The following ACSS3 variants were observed in gnomAD, a reference collection of about 807,000 sequenced individuals.
ACSS3 encodes acyl-CoA synthetase short chain family member 3.
Under a neutral mutation model 84.2 loss-of-function variants are expected in ACSS3, and 64 were observed. The ratio of observed to expected loss-of-function variants is 0.76; its 90% CI spans 0.62 to 0.94. ACSS3 has a LOEUF of 0.94. ACSS3 is among the 40% of genes least tolerant of loss of function. The pLI is 0.00. For missense variants in ACSS3, 815 were observed against 867.6 expected, an observed-to-expected ratio of 0.94 and a Z score of 0.76; for synonymous variants, 317 against 310.1, an observed-to-expected ratio of 1.02 and a Z score of -0.23.
At position 81,219,924 on chromosome 12, in the gene ACSS3, G is replaced by A. The variant is rs112019744; in HGVS notation, c.1451-89G>A. 46 of 833,306 alleles carry A rather than the reference G, an allele frequency of 5.5e-5. 1 individual carries two copies. The highest frequency in any genetic ancestry group is 4.1e-4 in the Middle Eastern group (1 of 2,410). 51.6% of individuals were successfully genotyped at this position (833,306 alleles called of 1,614,324 possible). On this transcript the variant is annotated intron_variant, in intron 10 of 15. Coordinates refer to ENST00000548058, the MANE Select transcript of ACSS3 (RefSeq NM_024560.4). ...TAAAAGATTACTCTCTTAAGCTAGA[G>A]CTTTTTGGGTTGAATATAAAAATAT...
At chr12:81,154,918 C>G (rs1445883882) in intron 7 of ACSS3, among the ~76,000 whole-genome samples, 1 of 152,096 alleles carries the variant, frequency 6.6e-6, no homozygotes, top group Non-Finnish European at 1.5e-5. Context: ...TTAACTCCTA[C>G]TCTCCTTGTA....
At chr12:81,168,129 G>T (rs757577775) in intron 7 of ACSS3, among the ~76,000 whole-genome samples, 1 of 152,078 alleles carries the variant, frequency 6.6e-6, no homozygotes, top group Admixed American at 6.6e-5. Context: ...TAAATTGTTG[G>T]TTCTTTGAGA....
Position 81,256,154 on chromosome 12 carries a change from G to C in ACSS3, c.*1232G>C, listed in dbSNP as rs900206503. On this transcript the variant is annotated 3_prime_UTR_variant, in exon 16 of 16. Coordinates refer to ENST00000548058, the MANE Select transcript of ACSS3 (RefSeq NM_024560.4). ...AAATGGTGAAGACTGCAGATCACCT[G>C]CTATACCTCAAGGAGCAGCGGACCC... 1 of 152,134 alleles carries C rather than the reference G, an allele frequency of 6.6e-6. No individual in the cohort carries two copies. Among genetic ancestry groups the C allele is most frequent in the Non-Finnish European group, 1.5e-5 (1 of 68,028 alleles). 9.4% of individuals were successfully genotyped at this position (152,134 alleles called of 1,614,324 possible). A position where few individuals can be genotyped will look rare whatever the true frequency, so the allele number is the denominator to read the frequency against.
intron 13 of ACSS3, among the ~76,000 whole-genome samples, chr12:81,247,456 T>A (rs2034018648): frequency 6.6e-6 from 1 of 152,074 alleles, no homozygotes; most frequent in Non-Finnish European, 1.5e-5. Flanking sequence ...AAATAGGCAG[T>A]TAAAATGGAA....
chr12:81,120,108 C>T (rs965934918), intron 2 of ACSS3, among the ~76,000 whole-genome samples: 7 of 152,168 alleles, frequency 4.6e-5, no homozygotes, highest in African/African-American at 1.7e-4. Flanking sequence ...GACTCTTCCA[C>T]AGGTGTCCCC....
intron 5 of ACSS3, among the ~76,000 whole-genome samples, chr12:81,147,105 C>T (rs1420235513): frequency 1.3e-5 from 2 of 152,122 alleles, no homozygotes; most frequent in Non-Finnish European, 2.9e-5. Flanking sequence ...ACCCTTGCCC[C>T]TTAGCTCACA....
chr12:81,080,655 C>G (rs2121255022), intron 1 of ACSS3, among the ~76,000 whole-genome samples: 1 of 152,248 alleles, frequency 6.6e-6, no homozygotes, highest in Non-Finnish European at 1.5e-5. Flanking sequence ...GAATCTATGA[C>G]TGCATTGGAT....
At chr12:81,145,012 T>A (rs1886264336) in intron 5 of ACSS3, among the ~76,000 whole-genome samples, 1 of 148,484 alleles carries the variant, frequency 6.7e-6, no homozygotes, top group Non-Finnish European at 1.5e-5. Flanking sequence ...GCCATTCTCG[T>A]GCCTTAGCCC....
chr12:81,182,032 G>A (rs1294393583), intron 8 of ACSS3, among the ~76,000 whole-genome samples: 2 of 152,048 alleles, frequency 1.3e-5, no homozygotes, highest in Non-Finnish European at 2.9e-5. Flanking sequence ...CTAAGTCTTG[G>A]GAGAGATATG....
intron 4 of ACSS3, among the ~76,000 whole-genome samples, chr12:81,142,901 T>G (rs553830780): frequency 6.6e-6 from 1 of 152,344 alleles, no homozygotes; most frequent in East Asian, 1.9e-4. Context: ...TCAGTTTAGT[T>G]GAAGTGAATA....
At chr12:81,124,697 AACAGGGT>A (rs1884927728) in intron 2 of ACSS3, among the ~76,000 whole-genome samples, 1 of 152,168 alleles carries the variant, frequency 6.6e-6, no homozygotes, top group Non-Finnish European at 1.5e-5. Flanking sequence ...CCTCAAGCTT[AACAGGGT>A]ACATTGATTC....
intron 5 of ACSS3, among the ~76,000 whole-genome samples, chr12:81,148,010 A>G (rs1555252048): frequency 7.9e-6 from 1 of 126,662 alleles, no homozygotes; most frequent in Non-Finnish European, 1.5e-5. Flanking sequence ...ACATATGTAA[A>G]TATATATATA....
chr12:81,103,363 C>T (rs1416538063), intron 1 of ACSS3, among the ~76,000 whole-genome samples: 5 of 152,032 alleles, frequency 3.3e-5, no homozygotes, highest in Non-Finnish European at 7.4e-5. Context: ...AACCTGCCCA[C>T]GAATTTAGAA....
rs1243691624 is a variant in ACSS3, at chr12:81,259,445, A to G, written c.*4523A>G. 2 of 662,774 alleles carry G rather than the reference A, an allele frequency of 3.0e-6. No individual in the cohort carries two copies. The highest frequency in any genetic ancestry group is 2.5e-5 in the Admixed American group (1 of 40,800). The allele number at this position is 662,774 out of a possible 1,614,324, so 41.1% of individuals were successfully genotyped here. Reference sequence around the variant, plus strand: ...CTGTTGTACAGAGTTTATGATGTAGATGATGTTTATTATTCAAATGACTTA... The same window carrying G: ...CTGTTGTACAGAGTTTATGATGTAGGTGATGTTTATTATTCAAATGACTTA... On this transcript the variant is annotated 3_prime_UTR_variant, in exon 16 of 16. Coordinates refer to ENST00000548058, the MANE Select transcript of ACSS3 (RefSeq NM_024560.4).
At chr12:81,139,546 A>C (rs965886897) in intron 4 of ACSS3, among the ~76,000 whole-genome samples, 1 of 150,210 alleles carries the variant, frequency 6.7e-6, no homozygotes, top group Non-Finnish European at 1.5e-5. Context: ...TATTAGCAAT[A>C]ATAATAACAA....
chr12:81,091,335 TTA>T (rs1252859978), intron 1 of ACSS3, among the ~76,000 whole-genome samples: 7 of 151,972 alleles, frequency 4.6e-5, no homozygotes, highest in South Asian at 2.1e-4. Flanking sequence ...TAGAATGCAT[TTA>T]TGTTATCATA....
chr12:81,248,762 A>G (rs1245808535), intron 13 of ACSS3, among the ~76,000 whole-genome samples: 1 of 152,010 alleles, frequency 6.6e-6, no homozygotes, highest in Non-Finnish European at 1.5e-5. Flanking sequence ...GGATACCTTA[A>G]GTACCCTGAA....
intron 5 of ACSS3, among the ~76,000 whole-genome samples, chr12:81,148,364 G>A (rs562552036): frequency 1.8e-3 from 268 of 152,236 alleles, no homozygotes; most frequent in African/African-American, 5.9e-3. Flanking sequence ...CAATCTGTGA[G>A]TTTACTTGTC....
At chr12:81,181,485 A>G (rs1207323252) in intron 8 of ACSS3, among the ~76,000 whole-genome samples, 1 of 152,208 alleles carries the variant, frequency 6.6e-6, no homozygotes. Context: ...AAACATGAAA[A>G]TGCAAGGGAA....
Sources: gnomAD v4.1 joint callset for allele counts (sites outside exome capture counted in the v4.1 genomes callset) on GRCh38, gnomAD v4.1.1 for gene constraint, MANE v1.5 for transcripts, NCBI Gene and HGNC (gene_info 2026-07-23, HGNC 2026-07-21) for gene names.